TMTC2: variants seen among roughly 807,000 people sequenced by gnomAD.
The protein encoded by TMTC2 is protein O-mannosyl-transferase TMTC2.
A neutral mutation model predicts 82.4 loss-of-function variants in TMTC2; 43 were observed. That is an observed-to-expected ratio of 0.52 (90% confidence interval 0.41 to 0.67). TMTC2 has a LOEUF of 0.67. Among genes scored for constraint, TMTC2 ranks in the 30% least tolerant of loss-of-function variants. The pLI is 0.00. For missense variants in TMTC2, 919 were observed against 1,012.4 expected (o/e 0.91, Z 1.25); for synonymous variants, 408 against 381.9 (o/e 1.07, Z -0.80).
intron 11 of TMTC2, among the ~76,000 whole-genome samples, chr12:83,120,624 G>A (rs1884917666): frequency 6.6e-6 from 1 of 152,146 alleles, no homozygotes; most frequent in Non-Finnish European, 1.5e-5. Context: ...TGGTGACAGT[G>A]TGCCTAGGTG....
intron 8 of TMTC2, 47 bp from the exon 9 acceptor site, chr12:83,030,751 T>A: frequency 7.1e-7 from 1 of 1,411,964 alleles, no homozygotes; most frequent in Non-Finnish European, 1.0e-6. Context: ...CAGTGAAGAA[T>A]CCCTCATGAT....
intron 11 of TMTC2, among the ~76,000 whole-genome samples, chr12:83,078,454 C>T (rs1883361002): frequency 6.6e-6 from 1 of 151,896 alleles, no homozygotes; most frequent in Non-Finnish European, 1.5e-5. Flanking sequence ...TTTGATAAGC[C>T]TGAGAAGAGA....
At chr12:82,970,632 C>T (rs1735359133) in intron 7 of TMTC2, among the ~76,000 whole-genome samples, 1 of 152,214 alleles carries the variant, frequency 6.6e-6, no homozygotes, top group African/African-American at 2.4e-5. Flanking sequence ...CGCGCCCGGC[C>T]TCCTTAGGCT....
At chr12:82,883,687 C>T (rs1159538979) in intron 2 of TMTC2, among the ~76,000 whole-genome samples, 1 of 152,194 alleles carries the variant, frequency 6.6e-6, no homozygotes, top group Non-Finnish European at 1.5e-5. Flanking sequence ...GCAGGAAATG[C>T]ATTTGCAATG....
chr12:82,806,535 G>A (rs148761271), intron 1 of TMTC2, among the ~76,000 whole-genome samples: 38 of 152,198 alleles, frequency 2.5e-4, no homozygotes, highest in African/African-American at 6.3e-4. Context: ...ACCAAGCTCC[G>A]TGCAGTCGAA....
At chr12:82,952,727 G>A (rs1487517947) in intron 4 of TMTC2, among the ~76,000 whole-genome samples, 1 of 151,846 alleles carries the variant, frequency 6.6e-6, no homozygotes, top group East Asian at 1.9e-4. Context: ...TGTGTGTGGT[G>A]TTTTTTTGTT....
chr12:82,820,409 C>T (rs1448581866), intron 1 of TMTC2, among the ~76,000 whole-genome samples: 1 of 151,684 alleles, frequency 6.6e-6, no homozygotes, highest in Non-Finnish European at 1.5e-5. Context: ...CTTGCTATAA[C>T]GCCCAGGCTG....
At position 83,005,487 on chromosome 12, in the gene TMTC2, GC is replaced by G. The variant is rs1288190646; in HGVS notation, c.2070+19443del. On this transcript the variant is annotated intron_variant, in intron 8 of 11. Transcript: ENST00000321196. ...ATATACGTTATTGGACCTTAGGGGAGCCTGCTGCAATCACTGGTGCCGTGCC... is the reference window on the plus strand; with the variant it reads ...ATATACGTTATTGGACCTTAGGGGAGCTGCTGCAATCACTGGTGCCGTGCC... 2.0e-5 allele frequency among the ~76,000 whole-genome samples: 3 copies of G among 152,234 alleles called. No individual in the cohort carries two copies. In the East Asian group the frequency reaches 5.8e-4, roughly 29 times the overall value.
At chr12:82,915,556 A>G (rs1162855800) in intron 3 of TMTC2, among the ~76,000 whole-genome samples, 2 of 152,208 alleles carry the variant, frequency 1.3e-5, no homozygotes, top group African/African-American at 2.4e-5. Flanking sequence ...GCAGGAACAT[A>G]CCTGATGGCT....
At chr12:82,870,407 A>AG (rs11375998) in intron 2 of TMTC2, among the ~76,000 whole-genome samples, 38,783 of 152,128 alleles carry the variant, frequency 0.25, 10,830 homozygotes, top group African/African-American at 0.7. Flanking sequence ...TAATTTGGTT[A>AG]TTTCCTTTAC....
intron 1 of TMTC2, among the ~76,000 whole-genome samples, chr12:82,849,341 C>A (rs1211667599): frequency 3.3e-5 from 5 of 151,924 alleles, no homozygotes; most frequent in African/African-American, 1.2e-4. Context: ...AATGATCAGG[C>A]AGTTTTAATA....
intron 1 of TMTC2, among the ~76,000 whole-genome samples, chr12:82,851,177 C>G (rs1222495461): frequency 6.6e-6 from 1 of 152,078 alleles, no homozygotes; most frequent in Non-Finnish European, 1.5e-5. Flanking sequence ...CGCCTGTAAT[C>G]CCAGCACTTT....
At chr12:82,752,414 A>G (rs1876063451) in intron 1 of TMTC2, among the ~76,000 whole-genome samples, 1 of 152,088 alleles carries the variant, frequency 6.6e-6, no homozygotes, top group Non-Finnish European at 1.5e-5. Context: ...TGAACTTGGG[A>G]GGCAGAGGTT....
chr12:82,823,789 T>C (rs914944865), intron 1 of TMTC2, among the ~76,000 whole-genome samples: 1 of 152,198 alleles, frequency 6.6e-6, no homozygotes, highest in African/African-American at 2.4e-5. Flanking sequence ...CTAAATCTCT[T>C]CTGTACTTCT....
intron 1 of TMTC2, among the ~76,000 whole-genome samples, chr12:82,779,073 A>G (rs1243918098): frequency 1.3e-5 from 2 of 151,536 alleles, no homozygotes; most frequent in Non-Finnish European, 1.5e-5. Flanking sequence ...ACAGCCTGAA[A>G]TTTAAAGGCT....
chr12:83,112,723 T>G (rs1257485892), intron 11 of TMTC2, among the ~76,000 whole-genome samples: 1 of 152,216 alleles, frequency 6.6e-6, no homozygotes, highest in Non-Finnish European at 1.5e-5. Flanking sequence ...CTTGTACTTC[T>G]AGAGAAGTGG....
At chr12:82,814,402 G>A (rs969725020) in intron 1 of TMTC2, among the ~76,000 whole-genome samples, 1 of 152,130 alleles carries the variant, frequency 6.6e-6, no homozygotes, top group Non-Finnish European at 1.5e-5. Flanking sequence ...GCTACATGGG[G>A]ACAGACACAT....
Position 82,949,094 on chromosome 12 carries a change from C to T in TMTC2, c.1599-15930C>T, listed in dbSNP as rs187391109. Among the ~76,000 whole-genome samples, 8 of 152,244 alleles carry T rather than the reference C, an allele frequency of 5.3e-5. No individual in the cohort carries two copies. The East Asian group carries it at 7.7e-4, about 15-fold the overall frequency. On this transcript the variant is annotated intron_variant, in intron 4 of 11. Transcript: ENST00000321196. ...TCTAACTACATTGAGTTTTACTGAG[C>T]AAGAAAGGTTTTGGCCTATGCTTGT...
At chr12:82,771,505 G>T (rs1161610802) in intron 1 of TMTC2, among the ~76,000 whole-genome samples, 1 of 152,094 alleles carries the variant, frequency 6.6e-6, no homozygotes, top group Non-Finnish European at 1.5e-5. Flanking sequence ...CCAGTTTTTT[G>T]TGTGTGTTTT....
Sources: gnomAD v4.1 joint callset for allele counts (sites outside exome capture counted in the v4.1 genomes callset) on GRCh38, gnomAD v4.1.1 for gene constraint, MANE v1.5 for transcripts, NCBI Gene and HGNC (gene_info 2026-07-23, HGNC 2026-07-21) for gene names.